Variants in KCNB2 observed in about 807,000 individuals in gnomAD.
KCNB2 encodes the protein potassium voltage-gated channel subfamily B member 2.
KCNB2 carries 15 observed loss-of-function variants against 61.5 expected under a neutral mutation model. The ratio of observed to expected loss-of-function variants is 0.24; its 90% CI spans 0.16 to 0.38. The LOEUF (loss-of-function observed/expected upper bound fraction) is 0.38, where lower values mean the gene tolerates loss of function less well. Ranked by LOEUF, KCNB2 falls within the 10% of genes least tolerant of loss-of-function variation. The pLI, the probability that KCNB2 is intolerant of heterozygous loss-of-function variation, is 1.00. For synonymous variants in KCNB2, 457 were observed against 446.0 expected (o/e 1.02, Z -0.31); for missense variants, 828 against 1,125.2 (o/e 0.74, Z 3.78).
rs1156515594 is a variant in KCNB2, at chr8:72,937,680, G to A, written c.2325G>A (p.Ala775=). Residue 775 remains alanine (A), a synonymous_variant, in exon 3 of 3, where the codon GCG becomes GCA. Coordinates refer to ENST00000523207, the MANE Select transcript of KCNB2 (RefSeq NM_004770.3). ...CCTTGCTGGGCACTGAGGTTTCAGCGCCTTGTCAGGGACCTTCCAAAGGGC... is the reference window on the plus strand; with the variant it reads ...CCTTGCTGGGCACTGAGGTTTCAGCACCTTGTCAGGGACCTTCCAAAGGGC... ...DRPLLGTEVS[A]PCQGPSKGLS... 1.1e-5 allele frequency: 18 copies of A among 1,613,930 alleles called. No individual in the cohort carries two copies. The highest frequency in any genetic ancestry group is 1.5e-5 in the Non-Finnish European group (18 of 1,179,972).
intron 2 of KCNB2, among the ~76,000 whole-genome samples, chr8:72,886,597 T>C (rs1197061452): frequency 6.6e-6 from 1 of 152,232 alleles, no homozygotes; most frequent in Non-Finnish European, 1.5e-5. Context: ...CTCCAAGTCA[T>C]GTTCCTTGGG....
rs982080954 is a variant in KCNB2, at chr8:72,611,526, A to G, written c.579+43213A>G. ...TTGTATCTTGCAATATGGACTTCCA[A>G]TGATCTGTATTTTCTATGATGAGAA... On this transcript the variant is annotated intron_variant, in intron 2 of 2. Transcript: ENST00000523207. 5.9e-5 allele frequency among the ~76,000 whole-genome samples: 9 copies of G among 152,138 alleles called. No homozygotes were observed. The South Asian group carries it at 1.4e-3, about 24-fold the overall frequency.
chr8:72,888,876 C>A (rs535274887), intron 2 of KCNB2, among the ~76,000 whole-genome samples: 3 of 152,270 alleles, frequency 2.0e-5, no homozygotes, highest in Non-Finnish European at 4.4e-5. Flanking sequence ...TTTCTTGGAG[C>A]AGATTTTAAA....
intron 2 of KCNB2, among the ~76,000 whole-genome samples, chr8:72,705,523 G>C (rs1807208001): frequency 6.6e-6 from 1 of 152,216 alleles, no homozygotes; most frequent in South Asian, 2.1e-4. Flanking sequence ...CACTCTGCCT[G>C]GGCAGAAGTA....
rs149593461 is a variant in KCNB2, at chr8:72,754,793, A to C, written c.580-181142A>C. On this transcript the variant is annotated intron_variant, in intron 2 of 2. Transcript: ENST00000523207. ...GACTCAGGAGTAAGTAAACACATTCAGTTGAAAAATCAGCAAATCAGAAGA... is the reference window on the plus strand; with the variant it reads ...GACTCAGGAGTAAGTAAACACATTCCGTTGAAAAATCAGCAAATCAGAAGA... 3.3e-3 allele frequency among the ~76,000 whole-genome samples: 498 copies of C among 152,326 alleles called. 3 individuals are homozygous for C. Among genetic ancestry groups the C allele is most frequent in the African/African-American group, 0.011 (467 of 41,566 alleles).
intron 2 of KCNB2, among the ~76,000 whole-genome samples, chr8:72,804,981 G>A (rs948550714): frequency 2.0e-5 from 3 of 152,116 alleles, no homozygotes; most frequent in Non-Finnish European, 4.4e-5. Flanking sequence ...AAGTCATTAG[G>A]TTAAAGATGA....
At chr8:72,707,988 A>G (rs1207287121) in intron 2 of KCNB2, among the ~76,000 whole-genome samples, 6 of 152,202 alleles carry the variant, frequency 3.9e-5, no homozygotes, top group Non-Finnish European at 2.9e-5. Flanking sequence ...TGAGGAAACC[A>G]GAACCCAGCC....
At chr8:72,927,973 T>C (rs1806688204) in intron 2 of KCNB2, among the ~76,000 whole-genome samples, 1 of 152,178 alleles carries the variant, frequency 6.6e-6, no homozygotes, top group Non-Finnish European at 1.5e-5. Context: ...AAAAGATTTA[T>C]GATTAGCATT....
At chr8:72,804,027 T>C (rs1809173869) in intron 2 of KCNB2, among the ~76,000 whole-genome samples, 1 of 152,130 alleles carries the variant, frequency 6.6e-6, no homozygotes, top group South Asian at 2.1e-4. Flanking sequence ...TGAGTGGACA[T>C]GGCGGGAGAG....
At chr8:72,678,996 C>G (rs966661821) in intron 2 of KCNB2, among the ~76,000 whole-genome samples, 2 of 151,928 alleles carry the variant, frequency 1.3e-5, no homozygotes, top group African/African-American at 4.8e-5. Context: ...TTTTTGGTGT[C>G]TAGATGAGTG....
In KCNB2 at chr8:72,936,255, C is replaced by T; in HGVS notation, c.900C>T (p.Val300=). Residue 300 remains valine (V), a synonymous_variant, in exon 3 of 3, where the codon GTC becomes GTT. Coordinates refer to ENST00000523207, the MANE Select transcript of KCNB2 (RefSeq NM_004770.3). The surrounding 1 kb of genome is among the most constrained non-coding windows in gnomAD (Gnocchi z 5.6). ...VLQFQNVRRV[V]QIFRIMRILR... ...AGTTCCAAAACGTGAGGCGCGTGGT[C>T]CAGATCTTCCGAATCATGCGCATCC... 3.7e-6 allele frequency: 6 copies of T among 1,614,228 alleles called. No homozygotes were observed. The highest frequency in any genetic ancestry group is 5.1e-6 in the Non-Finnish European group (6 of 1,180,030).
intron 2 of KCNB2, among the ~76,000 whole-genome samples, chr8:72,603,308 C>T (rs1384148744): frequency 1.3e-5 from 2 of 152,170 alleles, no homozygotes; most frequent in Non-Finnish European, 2.9e-5. Flanking sequence ...CCAGCTCACC[C>T]CAAACCCCTT....
chr8:72,823,478 C>T lies in KCNB2; in HGVS notation c.580-112457C>T, dbSNP rs547747810. ...TGTTCATGGAAGGTCCTTCATTAAT[C>T]GTGATCTGAGTTCAGTCAAACTGGG... On this transcript the variant is annotated intron_variant, in intron 2 of 2. Transcript: ENST00000523207. 7.2e-5 allele frequency among the ~76,000 whole-genome samples: 11 copies of T among 152,198 alleles called. No individual in the cohort carries two copies. In the South Asian group the frequency reaches 2.3e-3, roughly 32 times the overall value.
intron 2 of KCNB2, among the ~76,000 whole-genome samples, chr8:72,696,053 C>A (rs1372551564): frequency 6.6e-6 from 1 of 152,204 alleles, no homozygotes; most frequent in Non-Finnish European, 1.5e-5. Context: ...CTGGTACTTG[C>A]AGAGTCATCT....
At chr8:72,608,626 G>A (rs1048247601) in intron 2 of KCNB2, among the ~76,000 whole-genome samples, 5 of 152,076 alleles carry the variant, frequency 3.3e-5, no homozygotes, top group African/African-American at 9.7e-5. Context: ...TAGCCTCGGG[G>A]TACCACCAAT....
At chr8:72,605,489 A>G (rs1422341140) in intron 2 of KCNB2, among the ~76,000 whole-genome samples, 2 of 152,222 alleles carry the variant, frequency 1.3e-5, no homozygotes, top group Non-Finnish European at 2.9e-5. Context: ...AAAAGAGAAT[A>G]GGATTTCATG....
At chr8:72,620,311 G>T (rs906606489) in intron 2 of KCNB2, among the ~76,000 whole-genome samples, 1 of 152,196 alleles carries the variant, frequency 6.6e-6, no homozygotes, top group African/African-American at 2.4e-5. Context: ...AGAATCTACT[G>T]CAAAGACACC....
chr8:72,809,597 C>T (rs1809274127), intron 2 of KCNB2, among the ~76,000 whole-genome samples: 1 of 152,104 alleles, frequency 6.6e-6, no homozygotes, highest in South Asian at 2.1e-4. Flanking sequence ...ATCTTTAAAA[C>T]GAATCCATAG....
intron 2 of KCNB2, among the ~76,000 whole-genome samples, chr8:72,744,520 A>G (rs1238825878): frequency 3.9e-5 from 6 of 152,212 alleles, no homozygotes; most frequent in East Asian, 1.9e-4. Flanking sequence ...AACAAAATAT[A>G]GGAATAATAT....
Sources: allele counts gnomAD v4.1 joint callset (sites outside exome capture counted in the v4.1 genomes callset), GRCh38; gene constraint gnomAD v4.1.1; non-coding constraint Gnocchi (gnomAD v3.1); transcripts MANE v1.5; gene names NCBI Gene and HGNC (gene_info 2026-07-23, HGNC 2026-07-21).